DLG2: variants seen among roughly 807,000 people sequenced by gnomAD.
DLG2 encodes the protein disks large homolog 2.
In DLG2, 45 loss-of-function variants were observed where a neutral mutation model predicts 132.5. That is an observed-to-expected ratio of 0.34 (90% confidence interval 0.27 to 0.44). The LOEUF (loss-of-function observed/expected upper bound fraction) is 0.44. Ranked by LOEUF, DLG2 falls within the 20% of genes least tolerant of loss-of-function variation. DLG2 has a pLI of 1.00. For missense variants in DLG2, 1,045 were observed against 1,196.9 expected (o/e 0.87, Z 1.87); for synonymous variants, 424 against 419.6 (o/e 1.01, Z -0.13).
chr11:83,517,869 CG>C (rs2095349332), intron 21 of DLG2, among the ~76,000 whole-genome samples: 1 of 152,140 alleles, frequency 6.6e-6, no homozygotes, highest in Non-Finnish European at 1.5e-5. Context: ...GCTGCCTGAT[CG>C]TTCCTCTGGC....
chr11:85,468,092 T>C (rs1357006639), intron 3 of DLG2, among the ~76,000 whole-genome samples: 1 of 152,260 alleles, frequency 6.6e-6, no homozygotes, highest in Non-Finnish European at 1.5e-5. Flanking sequence ...TCTAGTTTAT[T>C]TGTGTAGAGG....
chr11:83,626,823 G>C (rs2062618185), intron 19 of DLG2, among the ~76,000 whole-genome samples: 1 of 152,124 alleles, frequency 6.6e-6, no homozygotes, highest in African/African-American at 2.4e-5. Flanking sequence ...TCTGCCTCTG[G>C]GTAGAGCCTT....
In DLG2 at chr11:84,515,312, CA is replaced by C. The variant is rs1484313256; in HGVS notation, c.519+19257del. On this transcript the variant is annotated intron_variant, in intron 7 of 27. Coordinates refer to ENST00000376104, the MANE Select transcript of DLG2 (RefSeq NM_001142699.3). Reference sequence around the variant, plus strand: ...ACACACACACACACACACACACACACACACCCCAAATATATGCAGCCTACGA... The same window carrying C: ...ACACACACACACACACACACACACACCACCCCAAATATATGCAGCCTACGA... Among the ~76,000 whole-genome samples, 1,757 of 150,880 alleles carry C rather than the reference CA, an allele frequency of 0.012. 94 individuals are homozygous for C. The East Asian group carries it at 0.18, about 16-fold the overall frequency.
chr11:84,502,626 G>A (rs1044379044), intron 7 of DLG2, among the ~76,000 whole-genome samples: 1 of 151,482 alleles, frequency 6.6e-6, no homozygotes, highest in Non-Finnish European at 1.5e-5. Context: ...TCGAACTCCT[G>A]GCCTGACATG....
At chr11:84,201,524 T>C (rs936910422) in intron 8 of DLG2, among the ~76,000 whole-genome samples, 16 of 152,062 alleles carry the variant, frequency 1.1e-4, no homozygotes, top group African/African-American at 3.4e-4. Context: ...AGAAATCGTA[T>C]CAGCTCTTCC....
intron 6 of DLG2, among the ~76,000 whole-genome samples, chr11:84,834,104 C>T (rs116734005): frequency 0.025 from 3,717 of 151,436 alleles, 174 homozygotes; most frequent in African/African-American, 0.086. Context: ...TTAGGAAAAC[C>T]CTTTAGAGAG....
chr11:84,877,829 C>G (rs2086625415), intron 6 of DLG2, among the ~76,000 whole-genome samples: 1 of 152,052 alleles, frequency 6.6e-6, no homozygotes, highest in African/African-American at 2.4e-5. Context: ...TGACAAAGGG[C>G]TGATGTCCAG....
chr11:84,639,033 C>A (rs953807352), intron 6 of DLG2, among the ~76,000 whole-genome samples: 7 of 152,184 alleles, frequency 4.6e-5, no homozygotes, highest in Non-Finnish European at 1.5e-5. Flanking sequence ...ATCACGTCTG[C>A]ATGAAAATAC....
Position 84,307,141 on chromosome 11 carries a change from T to C in DLG2, c.520-55850A>G, listed in dbSNP as rs183010858. Among the ~76,000 whole-genome samples the C allele has an allele frequency of 2.4e-3, 359 of 152,316 alleles. 1 individual carries two copies. The highest frequency in any genetic ancestry group is 0.014 in the Middle Eastern group (4 of 294). Reference sequence around the variant, plus strand: ...AGAATGGATAAAGAAAATGTGTACATTGATAACATGGAACACTATGCAGCC... The same window carrying C: ...AGAATGGATAAAGAAAATGTGTACACTGATAACATGGAACACTATGCAGCC... On this transcript the variant is annotated intron_variant, in intron 7 of 27. Coordinates refer to ENST00000376104, the MANE Select transcript of DLG2 (RefSeq NM_001142699.3).
chr11:85,350,617 T>G (rs1316644220), intron 3 of DLG2, among the ~76,000 whole-genome samples: 1 of 152,218 alleles, frequency 6.6e-6, no homozygotes, highest in East Asian at 1.9e-4. Flanking sequence ...AGTTTCAGCT[T>G]TCTACGTATG....
intron 21 of DLG2, among the ~76,000 whole-genome samples, chr11:83,496,243 G>A (rs1320221715): frequency 6.6e-6 from 1 of 151,014 alleles, no homozygotes; most frequent in African/African-American, 2.4e-5. Flanking sequence ...ATTAGTCATC[G>A]GGGAGATGCA....
At chr11:85,463,209 T>C (rs1234784688) in intron 3 of DLG2, among the ~76,000 whole-genome samples, 1 of 152,198 alleles carries the variant, frequency 6.6e-6, no homozygotes, top group Non-Finnish European at 1.5e-5. Flanking sequence ...CTCAGGAGTA[T>C]CAAGGTTGGA....
intron 15 of DLG2, among the ~76,000 whole-genome samples, chr11:83,918,813 C>T (rs1448988803): frequency 6.7e-6 from 1 of 149,614 alleles, no homozygotes; most frequent in African/African-American, 2.5e-5. Context: ...TCTGTGAAGT[C>T]ACAGCCCAAG....
intron 18 of DLG2, among the ~76,000 whole-genome samples, chr11:83,780,467 A>T (rs1450274388): frequency 2.6e-5 from 4 of 152,230 alleles, no homozygotes; most frequent in Non-Finnish European, 5.9e-5. Context: ...GAGTTTCTGC[A>T]TTAAAGTGTG....
chr11:84,486,232 A>C (rs2154494643), intron 7 of DLG2, among the ~76,000 whole-genome samples: 1 of 152,260 alleles, frequency 6.6e-6, no homozygotes, highest in South Asian at 2.1e-4. Flanking sequence ...ATTATCTGTG[A>C]GTAGGCCCTC....
chr11:85,605,341 T>C (rs889962370), intron 2 of DLG2, among the ~76,000 whole-genome samples: 1 of 152,158 alleles, frequency 6.6e-6, no homozygotes, highest in Admixed American at 6.5e-5. Context: ...CATATTTTTA[T>C]GGAAAAAATA....
chr11:84,428,613 T>C (rs1006760555), intron 7 of DLG2, among the ~76,000 whole-genome samples: 1 of 152,204 alleles, frequency 6.6e-6, no homozygotes, highest in Non-Finnish European at 1.5e-5. Flanking sequence ...CTTCCGCTTC[T>C]TACAATGCCA....
chr11:85,489,608 A>G (rs951157861), intron 3 of DLG2, among the ~76,000 whole-genome samples: 1 of 152,224 alleles, frequency 6.6e-6, no homozygotes, highest in Admixed American at 6.5e-5. Flanking sequence ...CATTCTTTAC[A>G]TCAGCACATG....
At chr11:85,206,784 G>A (rs1354306392) in intron 4 of DLG2, among the ~76,000 whole-genome samples, 1 of 152,046 alleles carries the variant, frequency 6.6e-6, no homozygotes, top group Non-Finnish European at 1.5e-5. Context: ...AGTGAGACGA[G>A]ATCATGCCAC....
Sources: gnomAD v4.1 joint callset for allele counts (sites outside exome capture counted in the v4.1 genomes callset) on GRCh38, gnomAD v4.1.1 for gene constraint, MANE v1.5 for transcripts, NCBI Gene and HGNC (gene_info 2026-07-23, HGNC 2026-07-21) for gene names.